The following ACOX3 variants were observed in gnomAD, a reference collection of about 807,000 sequenced individuals.
ACOX3 encodes peroxisomal acyl-coenzyme A oxidase 3.
ACOX3 carries 73 observed loss-of-function variants against 81.5 expected under a neutral mutation model. The observed-to-expected ratio is 0.90, with a 90% confidence interval of 0.74 to 1.09. The LOEUF is 1.09. ACOX3 is among the 50% of genes least tolerant of loss of function. The pLI, the probability that ACOX3 is intolerant of heterozygous loss-of-function variation, is 0.00. For missense variants in ACOX3, 947 were observed against 928.0 expected, an observed-to-expected ratio of 1.02 and a Z score of -0.27; for synonymous variants, 387 against 375.1, an observed-to-expected ratio of 1.03 and a Z score of -0.37.
At chr4:8,429,411 G>T (rs1368954126) in intron 1 of ACOX3, among the ~76,000 whole-genome samples, 1 of 152,244 alleles carries the variant, frequency 6.6e-6, no homozygotes, top group African/African-American at 2.4e-5. Flanking sequence ...TTACAGGAAA[G>T]TAAACAGTTC....
In ACOX3 at chr4:8,370,346, G is replaced by A. The variant is rs962171889; in HGVS notation, c.1983+562C>T. Among the ~76,000 whole-genome samples the A allele has an allele frequency of 1.3e-5, 2 of 152,042 alleles. No homozygotes were observed. Among genetic ancestry groups the A allele is most frequent in the Admixed American group, 1.3e-4 (2 of 15,280 alleles). ...AGGAGGCTGGTGGAGGCTCCCTCAG[G>A]GGGGCGGCCTGACCCCATCTGCTAT... On this transcript the variant is annotated intron_variant, in intron 17 of 17. Transcript: ENST00000356406. This position sits in a 1 kb window ranked among gnomAD's most constrained non-coding sequence, Gnocchi z 6.3.
In ACOX3 at chr4:8,414,508, C is replaced by G; in HGVS notation, c.454-127G>C. ...ATCAAAGCCCCAAATTTCCATCTACCCAACTAGTGACTTGACTGAGTCATG... is the reference window on the plus strand; with the variant it reads ...ATCAAAGCCCCAAATTTCCATCTACGCAACTAGTGACTTGACTGAGTCATG... On this transcript the variant is annotated intron_variant, in intron 4 of 17. Coordinates refer to ENST00000356406, the MANE Select transcript of ACOX3 (RefSeq NM_003501.3). This position sits in a 1 kb window ranked among gnomAD's most constrained non-coding sequence, Gnocchi z 6.1. The G allele has an allele frequency of 2.3e-6, 2 of 878,198 alleles. No individual in the cohort carries two copies. Among genetic ancestry groups the G allele is most frequent in the South Asian group, 3.1e-5 (2 of 64,592 alleles). The allele number at this position is 878,198 out of a possible 1,614,324, so 54.4% of individuals were successfully genotyped here.
intron 1 of ACOX3, among the ~76,000 whole-genome samples, chr4:8,436,817 A>G (rs1724262487): frequency 6.7e-6 from 1 of 148,712 alleles, no homozygotes; most frequent in Admixed American, 6.7e-5. Context: ...CCCTGTCTCT[A>G]CTAAAAAAAA....
rs369951387 is a variant in ACOX3, at chr4:8,419,360, G to C, written c.-14-2825C>G. On this transcript the variant is annotated intron_variant, in intron 1 of 17. Transcript: ENST00000356406. The surrounding 1 kb of genome is among the most constrained non-coding windows in gnomAD (Gnocchi z 4.2). ...CTGAGGCAGAGAATTACTTAAACCC[G>C]GGAGGCAGAGATTGCAGTAGCCTAG... Among the ~76,000 whole-genome samples, 1 of 151,688 alleles carries C rather than the reference G, an allele frequency of 6.6e-6. No homozygotes were observed. The highest frequency in any genetic ancestry group is 6.6e-5 in the Admixed American group (1 of 15,188).
At chr4:8,421,302 GA>G (rs2109006304) in intron 1 of ACOX3, among the ~76,000 whole-genome samples, 1 of 152,362 alleles carries the variant, frequency 6.6e-6, no homozygotes, top group African/African-American at 2.4e-5. Context: ...GGCTTTCTGG[GA>G]AAAGGCTTTC....
chr4:8,378,125 C>G (rs1717197723), intron 14 of ACOX3, among the ~76,000 whole-genome samples: 2 of 152,168 alleles, frequency 1.3e-5, no homozygotes, highest in Admixed American at 1.3e-4. Context: ...GGAGAGGGTC[C>G]CAGTCTGGTA....
the ACOX3 span, chr4:8,355,903 T>A: frequency 6.2e-6 from 1 of 160,628 alleles, no homozygotes; most frequent in Admixed American, 5.6e-5. Context: ...GCAGAACATA[T>A]ATGAACAGAC....
At chr4:8,363,092 C>CTCA (rs1407800906), downstream of ACOX3, among the ~76,000 whole-genome samples, 1 of 152,192 alleles carries the variant, frequency 6.6e-6, no homozygotes, top group African/African-American at 2.4e-5. Context: ...CCTGCTTATT[C>CTCA]CTGTGAACCA....
rs1578843698 is a variant in ACOX3 at position 8,368,813 on chromosome 4, C to T, written c.1984-1733G>A. Reference sequence around the variant, plus strand: ...GCGCGATCACTGCCCACCACAGCCTCGACCTCCCCAAGCTCAGGGGATCCT... The same window carrying T: ...GCGCGATCACTGCCCACCACAGCCTTGACCTCCCCAAGCTCAGGGGATCCT... On this transcript the variant is annotated intron_variant, in intron 17 of 17. Transcript: ENST00000356406. The surrounding 1 kb of genome is among the most constrained non-coding windows in gnomAD (Gnocchi z 5.9). 6.6e-6 allele frequency among the ~76,000 whole-genome samples: 1 copy of T among 151,668 alleles called. No individual in the cohort carries two copies. The highest frequency in any genetic ancestry group is 2.4e-5 in the African/African-American group (1 of 41,202).
In ACOX3 at chr4:8,389,363, A is replaced by C; in HGVS notation, c.1424-77T>G. 6.9e-7 allele frequency: 1 copy of C among 1,457,234 alleles called. No homozygotes were observed. The highest frequency in any genetic ancestry group is 1.2e-5 in the South Asian group (1 of 82,348). The allele number at this position is 1,457,234 out of a possible 1,614,324, so 90.3% of individuals were successfully genotyped here. On this transcript the variant is annotated intron_variant, in intron 12 of 17. Transcript: ENST00000356406. The surrounding 1 kb of genome is among the most constrained non-coding windows in gnomAD (Gnocchi z 5.3). ...GGGAACCCCAAGCTGGGGGCACCCC[A>C]AAGCACAGAGAGTGTCCAGAGGACC...
At chr4:8,434,121 T>C (rs544152801) in intron 1 of ACOX3, among the ~76,000 whole-genome samples, 1 of 152,240 alleles carries the variant, frequency 6.6e-6, no homozygotes, top group African/African-American at 2.4e-5. Context: ...TTCCAGACAT[T>C]GTATGAAAAA....
downstream of ACOX3, among the ~76,000 whole-genome samples, chr4:8,363,838 A>T (rs1030401085): frequency 1.3e-5 from 2 of 152,148 alleles, no homozygotes; most frequent in Non-Finnish European, 2.9e-5. Context: ...CACCAGCGCC[A>T]TGACAGTTTA....
In ACOX3 at chr4:8,406,178, A is replaced by G. The variant is rs1198218854; in HGVS notation, c.688-135T>C. On this transcript the variant is annotated intron_variant, in intron 6 of 17. Coordinates refer to ENST00000356406, the MANE Select transcript of ACOX3 (RefSeq NM_003501.3). This position sits in a 1 kb window ranked among gnomAD's most constrained non-coding sequence, Gnocchi z 5.6. ...GCTGTGGGTTAAACCATCCTCCAGA[A>G]ATGATACATCCAAGTCCTAACCCCA... 1 of 775,984 alleles carries G rather than the reference A, an allele frequency of 1.3e-6. No homozygotes were observed. The highest frequency in any genetic ancestry group is 1.7e-5 in the African/African-American group (1 of 58,430). 48.1% of individuals were successfully genotyped at this position (775,984 alleles called of 1,614,324 possible).
intron 15 of ACOX3, 87 bp from the exon 16 acceptor site, chr4:8,373,715 T>A: frequency 7.5e-7 from 1 of 1,330,106 alleles, no homozygotes; most frequent in Non-Finnish European, 1.1e-6. Context: ...ACTTTCCAAA[T>A]CGGCCATATA....
chr4:8,403,895 A>G (rs1720632782), intron 7 of ACOX3, among the ~76,000 whole-genome samples: 2 of 152,204 alleles, frequency 1.3e-5, no homozygotes, highest in Admixed American at 1.3e-4. Flanking sequence ...ACTGGATGTG[A>G]CAATTCACCA....
chr4:8,357,400 G>A, the ACOX3 span: 1 of 362,388 alleles, frequency 2.8e-6, no homozygotes, highest in Non-Finnish European at 5.5e-6. Context: ...CTGGGCCCCT[G>A]TGGCCCAAAA....
In ACOX3 at chr4:8,416,124, C is replaced by T. The variant is rs556792424; in HGVS notation, c.145-125G>A. 3.8e-6 allele frequency: 4 copies of T among 1,051,164 alleles called. No homozygotes were observed. In the East Asian group the frequency reaches 1.0e-4, roughly 27 times the overall value. 65.1% of individuals were successfully genotyped at this position (1,051,164 alleles called of 1,614,324 possible). ...ACAGTCTGACCCGGAGACACCCAGA[C>T]AGAGATATGACTATCATTCCCAATG... On this transcript the variant is annotated intron_variant, in intron 2 of 17. Coordinates refer to ENST00000356406, the MANE Select transcript of ACOX3 (RefSeq NM_003501.3). This position sits in a 1 kb window ranked among gnomAD's most constrained non-coding sequence, Gnocchi z 4.2.
chr4:8,397,134 CAG>C lies in ACOX3; in HGVS notation c.874-17_874-16del, dbSNP rs752430385. ...TGCCTGACGTCCTACGGGAGGGACA[CAG>C]ATGATAAGCTCAAGCCCGGCTGCGC... is the stretch of plus-strand genomic sequence containing the variant. On this transcript the variant is annotated splice_polypyrimidine_tract_variant and intron_variant, in intron 8 of 17. Coordinates refer to ENST00000356406, the MANE Select transcript of ACOX3 (RefSeq NM_003501.3). 1.9e-6 allele frequency: 3 copies of C among 1,538,572 alleles called. No individual in the cohort carries two copies. The African/African-American group carries it at 4.2e-5, about 22-fold the overall frequency.
chr4:8,399,358 G>C lies in ACOX3; in HGVS notation c.873+198C>G, dbSNP rs548147908. On this transcript the variant is annotated intron_variant, in intron 8 of 17. Transcript: ENST00000356406. The surrounding 1 kb of genome is among the most constrained non-coding windows in gnomAD (Gnocchi z 4.9). ...GCCCGGACTCACCCCCTGGACACCA[G>C]CACCTGGTGCTGTGGCTGCCCCAAG... 2.0e-5 allele frequency among the ~76,000 whole-genome samples: 3 copies of C among 152,320 alleles called. No individual in the cohort carries two copies. Among genetic ancestry groups the C allele is most frequent in the African/African-American group, 7.2e-5 (3 of 41,566 alleles).
Sources: gnomAD v4.1 joint callset for allele counts (sites outside exome capture counted in the v4.1 genomes callset) on GRCh38, gnomAD v4.1.1 for gene constraint, Gnocchi (gnomAD v3.1) non-coding constraint, MANE v1.5 for transcripts, NCBI Gene and HGNC (gene_info 2026-07-23, HGNC 2026-07-21) for gene names.